The following PPEF1 variants were observed in gnomAD, a reference collection of about 807,000 sequenced individuals.
PPEF1 encodes the protein serine/threonine-protein phosphatase with EF-hands 1.
PPEF1 carries 12 observed loss-of-function variants against 53.3 expected under a neutral mutation model. The ratio of observed to expected loss-of-function variants is 0.23; its 90% CI spans 0.14 to 0.36. The LOEUF is 0.36. Ranked by LOEUF, PPEF1 falls within the 10% of genes least tolerant of loss-of-function variation. The probability of loss-of-function intolerance (pLI) is 1.00; values close to 1 mark genes in which losing one functional copy is unlikely to be tolerated. For missense variants in PPEF1, 334 were observed against 490.4 expected (o/e 0.68, Z 3.01); for synonymous variants, 165 against 176.7 (o/e 0.93, Z 0.52).
intron 4 of PPEF1, chrX:18,697,764 C>T (rs948963836): frequency 4.5e-5 from 5 of 110,928 alleles, no homozygotes; most frequent in South Asian, 3.9e-4. Context: ...CTCAGTAGCA[C>T]CTGCTACATA....
At chrX:18,763,246 C>G (rs1478140823) in intron 6 of PPEF1, among the ~76,000 whole-genome samples, 3 of 111,535 alleles carry the variant, frequency 2.7e-5, no homozygotes, top group African/African-American at 9.8e-5. Context: ...TGGAGGTTTG[C>G]AGAGTTCCTT....
chrX:18,792,092 G>T (rs1372901048), intron 10 of PPEF1, among the ~76,000 whole-genome samples: 1 of 111,962 alleles, frequency 8.9e-6, no homozygotes, highest in Non-Finnish European at 1.9e-5. Context: ...AATATTTTTT[G>T]AGGATTTTTG....
chrX:18,710,833 G>A (rs915878090), intron 1 of PPEF1, among the ~76,000 whole-genome samples: 13 of 110,773 alleles, frequency 1.2e-4, no homozygotes, highest in South Asian at 7.6e-4. Flanking sequence ...ATCCCACCAC[G>A]GAGTCTACCC....
At chrX:18,817,468 A>G (rs1053315968) in intron 12 of PPEF1, among the ~76,000 whole-genome samples, 2 of 110,588 alleles carry the variant, frequency 1.8e-5, no homozygotes, top group African/African-American at 6.6e-5. Context: ...CAGCCTCCCA[A>G]GTAGCTGGGA....
upstream of PPEF1, among the ~76,000 whole-genome samples, chrX:18,678,128 C>G (rs1400165532): frequency 3.0e-4 from 10 of 33,743 alleles, no homozygotes; most frequent in Admixed American, 4.1e-4. Flanking sequence ...GAGAACCTGG[C>G]AAAAAAAAAA....
intron 3 of PPEF1, among the ~76,000 whole-genome samples, chrX:18,734,905 C>T (rs1418419579): frequency 1.6e-4 from 18 of 111,865 alleles, no homozygotes; most frequent in Non-Finnish European, 2.6e-4. Context: ...TTCATGTGTC[C>T]GTTGGCTGCA....
In PPEF1 at chrX:18,757,448, T is replaced by G. The variant is rs191798727; in HGVS notation, c.397-179T>G. Among the ~76,000 whole-genome samples, 945 of 111,265 alleles carry G rather than the reference T, an allele frequency of 8.5e-3. 8 individuals carry two copies. Among genetic ancestry groups the G allele is most frequent in the African/African-American group, 0.029 (893 of 30,577 alleles). ...CATTTTCTCAGTTACACACGTCGAC[T>G]GAGGGCTTATTATATGCCAGACACT... is the stretch of plus-strand genomic sequence containing the variant. On this transcript the variant is annotated intron_variant, in intron 4 of 15. Transcript: ENST00000470157.
intron 2 of PPEF1, among the ~76,000 whole-genome samples, chrX:18,730,810 G>A (rs2044820303): frequency 9.2e-6 from 1 of 109,265 alleles, no homozygotes; most frequent in South Asian, 4.0e-4. Flanking sequence ...CGCCTCCTGG[G>A]TTCAAGCGAT....
intron 6 of PPEF1, 36 bp from the exon 7 acceptor site, chrX:18,778,974 T>C (rs752434994): frequency 7.9e-6 from 9 of 1,135,457 alleles, no homozygotes; most frequent in Non-Finnish European, 9.6e-6. Flanking sequence ...TATATTCTTT[T>C]AATTCCTTGT....
chrX:18,718,255 C>A (rs2044503723), intron 1 of PPEF1, among the ~76,000 whole-genome samples: 1 of 111,757 alleles, frequency 8.9e-6, no homozygotes, highest in Non-Finnish European at 1.9e-5. Context: ...ATTTAGATAT[C>A]CATTTTAGAA....
At chrX:18,721,344 C>T (rs901839782) in intron 1 of PPEF1, among the ~76,000 whole-genome samples, 3 of 112,080 alleles carry the variant, frequency 2.7e-5, no homozygotes, top group Non-Finnish European at 5.6e-5. Context: ...GGGATGATTC[C>T]GATTGATTGA....
At chrX:18,790,709 C>T (rs868708400) in intron 10 of PPEF1, among the ~76,000 whole-genome samples, 63 of 107,019 alleles carry the variant, frequency 5.9e-4, no homozygotes, top group Middle Eastern at 9.4e-3. Context: ...TTTTTTTTTT[C>T]TTTTTTTTGA....
intron 6 of PPEF1, among the ~76,000 whole-genome samples, chrX:18,778,173 G>A (rs2046007673): frequency 9.0e-6 from 1 of 111,306 alleles, no homozygotes; most frequent in African/African-American, 3.3e-5. Context: ...TAGGGAAATA[G>A]CCATCTCCCT....
At chrX:18,710,188 T>A (rs967498960) in intron 1 of PPEF1, among the ~76,000 whole-genome samples, 4 of 112,232 alleles carry the variant, frequency 3.6e-5, no homozygotes, top group African/African-American at 6.5e-5. Context: ...CATTTACCCA[T>A]TTTTAATTGA....
upstream of PPEF1, among the ~76,000 whole-genome samples, chrX:18,678,128 C>CAAAAAA (rs57502489): frequency 5.3e-4 from 18 of 33,748 alleles, no homozygotes; most frequent in African/African-American, 2.2e-3. Flanking sequence ...GAGAACCTGG[C>CAAAAAA]AAAAAAAAAA....
intron 10 of PPEF1, among the ~76,000 whole-genome samples, chrX:18,794,130 G>A (rs1014171450): frequency 5.3e-5 from 6 of 112,985 alleles, no homozygotes; most frequent in Non-Finnish European, 7.5e-5. Context: ...AGTCTGATCC[G>A]ATTAAAGTTG....
In PPEF1 at chrX:18,757,735, A is replaced by G. The variant is rs1414665175; in HGVS notation, c.505A>G (p.Ile169Val). ...AACTTCTCCCTCCAAAGAGGTAACA[A>G]TCTGTGGTAAGTTTCAGAGCAGAGT... ...IQTSPSKEVT[I>V]CGDLHGKLDD... is the part of the protein sequence containing the mutation. The change falls in exon 5 of 16, where the codon ATC becomes GTC. Residue 169 changes from isoleucine (I) to valine (V), a missense_variant. Transcript: ENST00000470157. The G allele has an allele frequency of 8.4e-6, 10 of 1,193,882 alleles. No homozygotes were observed. The highest frequency in any genetic ancestry group is 5.9e-5 in the East Asian group (2 of 33,702).
rs371709844 is a variant in PPEF1 at position 18,749,807 on chromosome X, C to A, written c.251C>A (p.Ser84Tyr). Reference protein sequence around the residue: ...HKEELELRNQSLESEQDMRDR... With the variant: ...HKEELELRNQYLESEQDMRDR... ...CCTTTTCCAGAATTAAGAAATCAGTCTCTTGAAAGCGAACAGGACATGAGG... is the reference window on the plus strand; with the variant it reads ...CCTTTTCCAGAATTAAGAAATCAGTATCTTGAAAGCGAACAGGACATGAGG... Residue 84 changes from serine to tyrosine, a missense_variant, in exon 4 of 16, where the codon TCT (serine) becomes TAT (tyrosine). Transcript: ENST00000470157. 3.0e-5 allele frequency: 30 copies of A among 994,087 alleles called. No individual in the cohort carries two copies. The highest frequency in any genetic ancestry group is 3.9e-5 in the Non-Finnish European group (30 of 762,503). 81.9% of individuals were successfully genotyped at this position (994,087 alleles called of 1,213,427 possible). A position where few individuals can be genotyped will look rare whatever the true frequency, so the allele number is the denominator to read the frequency against.
chrX:18,704,674 G>A (rs1337930520), upstream of PPEF1, among the ~76,000 whole-genome samples: 1 of 111,997 alleles, frequency 8.9e-6, no homozygotes, highest in Non-Finnish European at 1.9e-5. Context: ...TCACTATGCA[G>A]CACCGTGGGT....
Sources: allele counts gnomAD v4.1 joint callset (sites outside exome capture counted in the v4.1 genomes callset), GRCh38; gene constraint gnomAD v4.1.1; transcripts MANE v1.5; gene names NCBI Gene and HGNC (gene_info 2026-07-23, HGNC 2026-07-21).